RAI2: variants seen among roughly 807,000 people sequenced by gnomAD.
The protein encoded by RAI2 is retinoic acid-induced protein 2.
A neutral mutation model predicts 15.3 loss-of-function variants in RAI2; 5 were observed. That is an observed-to-expected ratio of 0.33 (90% CI 0.17 to 0.69). The LOEUF is 0.69. Among genes scored for constraint, RAI2 ranks in the 30% least tolerant of loss-of-function variants. The pLI is 0.69. For synonymous variants in RAI2, 191 were observed against 184.0 expected (o/e 1.04, Z -0.31); for missense variants, 424 against 424.7 (o/e 1.00, Z 0.01).
At chrX:17,805,414 C>T (rs761998195) in intron 1 of RAI2, among the ~76,000 whole-genome samples, 3 of 112,869 alleles carry the variant, frequency 2.7e-5, no homozygotes, top group African/African-American at 6.4e-5. Flanking sequence ...GACTGCAGCC[C>T]GAAGTGGCTA....
intron 1 of RAI2, among the ~76,000 whole-genome samples, chrX:17,809,295 A>G (rs1439185514): frequency 8.9e-6 from 1 of 111,888 alleles, no homozygotes; most frequent in Non-Finnish European, 1.9e-5. Context: ...CTGGGACTAA[A>G]CTTCATGAGG....
Position 17,801,235 on chromosome X carries a change from T to G in RAI2, c.776A>C (p.Lys259Thr), listed in dbSNP as rs1162531554. Residue 259 changes from lysine to threonine, a missense_variant, in exon 2 of 2, where the codon AAG becomes ACG. Physicochemically the swap from Lys to Thr is moderately conservative, Grantham distance 78 (BLOSUM62 -1). Coordinates refer to ENST00000451717, the MANE Select transcript of RAI2 (RefSeq NM_021785.6). Reference sequence around the variant, plus strand: ...TGGCTTGGGGAAACTGGAGCTGAACTTGGATTCAGAACTCTGAGGCATCGG... The same window carrying G: ...TGGCTTGGGGAAACTGGAGCTGAACGTGGATTCAGAACTCTGAGGCATCGG... ...PIPMPQSSES[K>T]FSSSFPKPPS... The G allele has an allele frequency of 3.3e-6, 4 of 1,209,213 alleles. No homozygotes were observed. Among genetic ancestry groups the G allele is most frequent in the Non-Finnish European group, 4.5e-6 (4 of 894,176 alleles).
chrX:17,859,690 A>C (rs772756508), intron 1 of RAI2, among the ~76,000 whole-genome samples: 16 of 112,500 alleles, frequency 1.4e-4, no homozygotes, highest in Non-Finnish European at 2.8e-4. Context: ...GCACTGCCGC[A>C]AGCCGCCCCT....
chrX:17,821,000 A>T (rs770452980), intron 1 of RAI2, among the ~76,000 whole-genome samples: 1 of 111,833 alleles, frequency 8.9e-6, no homozygotes, highest in African/African-American at 3.2e-5. Context: ...CCTAGGCTCA[A>T]GAAATCCTCC....
At chrX:17,806,852 C>T (rs1282010773) in intron 1 of RAI2, among the ~76,000 whole-genome samples, 1 of 110,463 alleles carries the variant, frequency 9.1e-6, no homozygotes. Flanking sequence ...TTCACGTGGC[C>T]GGCAAGAGGT....
At chrX:17,857,950 A>C (rs1212889593) in intron 1 of RAI2, among the ~76,000 whole-genome samples, 1 of 111,340 alleles carries the variant, frequency 9.0e-6, no homozygotes, top group Non-Finnish European at 1.9e-5. Flanking sequence ...CCAACTGTGT[A>C]CCAGATTTTG....
intron 1 of RAI2, 112 bp from the exon 2 acceptor site, chrX:17,802,146 T>C: frequency 1.1e-6 from 1 of 916,782 alleles, no homozygotes; most frequent in Non-Finnish European, 1.5e-6. Context: ...CCAGGGAGCA[T>C]AACCCATCTC....
intron 1 of RAI2, among the ~76,000 whole-genome samples, chrX:17,822,224 G>T (rs1329254027): frequency 9.0e-6 from 1 of 111,605 alleles, no homozygotes; most frequent in African/African-American, 3.3e-5. Context: ...CAGTTCAATA[G>T]ATGACAAGAA....
At chrX:17,839,323 T>C (rs1160489746) in intron 1 of RAI2, among the ~76,000 whole-genome samples, 1 of 112,108 alleles carries the variant, frequency 8.9e-6, no homozygotes, top group African/African-American at 3.2e-5. Flanking sequence ...CTTGCTTCCC[T>C]TCTTAGTGTG....
chrX:17,837,658 A>G (rs1362083606), intron 1 of RAI2: 1 of 112,279 alleles, frequency 8.9e-6, no homozygotes, highest in Non-Finnish European at 1.9e-5. Flanking sequence ...TCTTAATGTG[A>G]TCCTCTTCCC....
At chrX:17,849,081 C>T (rs913722009) in intron 1 of RAI2, among the ~76,000 whole-genome samples, 3 of 112,521 alleles carry the variant, frequency 2.7e-5, no homozygotes, top group Non-Finnish European at 3.8e-5. Flanking sequence ...CTTGAGCCAG[C>T]GACCACTGCT....
At chrX:17,858,680 T>C (rs899807051) in intron 1 of RAI2, among the ~76,000 whole-genome samples, 2 of 112,297 alleles carry the variant, frequency 1.8e-5, no homozygotes, top group East Asian at 5.6e-4. Context: ...GACTCTGTAT[T>C]CTGGATACAA....
chrX:17,824,638 G>A (rs1015003992), intron 1 of RAI2, among the ~76,000 whole-genome samples: 8 of 111,850 alleles, frequency 7.2e-5, no homozygotes, highest in Non-Finnish European at 5.6e-5. Context: ...ACTGCAAAAT[G>A]TGCCCCTGTG....
intron 1 of RAI2, among the ~76,000 whole-genome samples, chrX:17,815,356 CACACACAG>C (rs1332924035): frequency 9.6e-6 from 1 of 104,369 alleles, no homozygotes; most frequent in Admixed American, 1.0e-4. Flanking sequence ...CACACACACA[CACACACAG>C]AGTGGCCAAG....
intron 1 of RAI2, among the ~76,000 whole-genome samples, chrX:17,857,687 T>G (rs112257558): frequency 8.1e-5 from 9 of 110,863 alleles, no homozygotes; most frequent in African/African-American, 3.0e-4. Context: ...TCTCTGGATC[T>G]CTCCTTGCTG....
chrX:17,806,392 C>A (rs999333126), intron 1 of RAI2, among the ~76,000 whole-genome samples: 2 of 112,250 alleles, frequency 1.8e-5, no homozygotes, highest in African/African-American at 6.5e-5. Flanking sequence ...ATGAGGGCAC[C>A]CATCCATTCC....
rs771158254 is a variant in RAI2 at position 17,800,429 on chromosome X, G to A, written c.1582C>T (p.Pro528Ser). ...TAAAAAGCCGTTATTTACTTTCTTG[G>A]AAAAAAGGTGGCCAGCCGTTGTTTT... Reference protein sequence around the residue: ...IKKQRLATFFPRK With the variant: ...IKKQRLATFFSRK Residue 528 changes from proline to serine, a missense_variant, in exon 2 of 2, where the codon CCA becomes TCA. By Grantham distance (74) the Pro-to-Ser change is moderately conservative (BLOSUM62 -1). Coordinates refer to ENST00000451717, the MANE Select transcript of RAI2 (RefSeq NM_021785.6). The A allele has an allele frequency of 1.0e-5, 12 of 1,182,742 alleles. No individual in the cohort carries two copies. In the African/African-American group the frequency reaches 1.6e-4, roughly 16 times the overall value.
chrX:17,833,891 A>G (rs1408710408), intron 1 of RAI2, among the ~76,000 whole-genome samples: 1 of 112,249 alleles, frequency 8.9e-6, no homozygotes, highest in Non-Finnish European at 1.9e-5. Flanking sequence ...CTCTGTAAGT[A>G]CATTATTCTA....
intron 1 of RAI2, among the ~76,000 whole-genome samples, chrX:17,815,043 T>C (rs1181623106): frequency 1.8e-5 from 2 of 110,642 alleles, no homozygotes; most frequent in Non-Finnish European, 3.8e-5. Flanking sequence ...AGCTTCTTTC[T>C]GGAATTCTGT....
Sources: gnomAD v4.1 joint callset for allele counts (sites outside exome capture counted in the v4.1 genomes callset) on GRCh38, gnomAD v4.1.1 for gene constraint, MANE v1.5 for transcripts, NCBI Gene and HGNC (gene_info 2026-07-23, HGNC 2026-07-21) for gene names.